The following RNF19A variants were observed in gnomAD, a reference collection of about 807,000 sequenced individuals.
The protein encoded by RNF19A is ring finger protein 19A, RBR E3 ubiquitin protein ligase.
RNF19A carries 32 observed loss-of-function variants against 75.7 expected under a neutral mutation model. The observed-to-expected ratio is 0.42, with a 90% CI of 0.32 to 0.57. The LOEUF (loss-of-function observed/expected upper bound fraction) is 0.57, where lower values mean the gene tolerates loss of function less well. Among genes scored for constraint, RNF19A ranks in the 20% least tolerant of loss-of-function variants. RNF19A has a pLI of 0.10. For synonymous variants in RNF19A, 335 were observed against 345.2 expected (o/e 0.97, Z 0.33); for missense variants, 782 against 1,036.3 (o/e 0.75, Z 3.37).
chr8:100,315,395 G>T (rs980224515), intron 1 of RNF19A, among the ~76,000 whole-genome samples: 1 of 151,036 alleles, frequency 6.6e-6, no homozygotes, highest in Non-Finnish European at 1.5e-5. Flanking sequence ...TGTTTCACTG[G>T]GGGGGAAAAA....
chr8:100,301,986 G>A (rs1385250451), intron 1 of RNF19A, among the ~76,000 whole-genome samples: 2 of 152,144 alleles, frequency 1.3e-5, no homozygotes, highest in Non-Finnish European at 2.9e-5. Context: ...CCTAAGGGAG[G>A]AATGTGTCTG....
chr8:100,297,575 C>T (rs987866607), intron 1 of RNF19A, among the ~76,000 whole-genome samples: 46 of 152,110 alleles, frequency 3.0e-4, no homozygotes, highest in Admixed American at 3.0e-3. Context: ...CTAAATCATC[C>T]CTGAAAAAAA....
rs1819644832 is a variant in RNF19A, at chr8:100,260,114, TA to T, written c.1683-118del. The T allele has an allele frequency of 3.5e-6, 3 of 859,376 alleles. No homozygotes were observed. The South Asian group carries it at 5.0e-5, about 14-fold the overall frequency. The allele number at this position is 859,376 out of a possible 1,614,324, so 53.2% of individuals were successfully genotyped here. On this transcript the variant is annotated intron_variant, in intron 8 of 9. Transcript: ENST00000341084. This position sits in a 1 kb window ranked among gnomAD's most constrained non-coding sequence, Gnocchi z 4.1. ...AACCAGAAGCTATTTTAGGAACCAT[TA>T]TTTTTTATTTCCTTTTATTTAATTT...
chr8:100,332,372 G>A lies in RNF19A; in HGVS notation c.-243+3736C>T, dbSNP rs1822623491. Among the ~76,000 whole-genome samples the A allele has an allele frequency of 6.6e-6, 1 of 152,152 alleles. No homozygotes were observed. Among genetic ancestry groups the A allele is most frequent in the South Asian group, 2.1e-4 (1 of 4,830 alleles). ...TAAGTGTCTGGCATTTCCCTTGTTT[G>A]CACTTCTTTCTCTCCTGCCGCCTTG... On this transcript the variant is annotated intron_variant, in intron 1 of 3. Coordinates refer to the RNF19A transcript ENST00000519527. This position sits in a 1 kb window ranked among gnomAD's most constrained non-coding sequence, Gnocchi z 4.8.
intron 2 of RNF19A, among the ~76,000 whole-genome samples, chr8:100,286,251 A>T (rs944930615): frequency 6.6e-6 from 1 of 152,158 alleles, no homozygotes; most frequent in African/African-American, 2.4e-5. Context: ...TACGTCCCAG[A>T]GTTTGCTTCT....
upstream of RNF19A, chr8:100,310,108 C>T (rs912958496): frequency 4.1e-6 from 4 of 985,520 alleles, no homozygotes; most frequent in Admixed American, 6.1e-5. Flanking sequence ...CCACCTCCCC[C>T]TCCCGCAGCC....
rs1820172907 is a variant in RNF19A, at chr8:100,269,880, C to T, written c.1017G>A (p.Leu339=). 1.2e-6 allele frequency: 2 copies of T among 1,604,052 alleles called. No homozygotes were observed. The highest frequency in any genetic ancestry group is 2.7e-5 in the African/African-American group (2 of 74,388). ...TTCTATAAGCTTACCTTAGATAATG[C>T]AAATCTGAGATTTCTTTCATACACA... ...CWLCMKEISD[L]HYLSPSGCTF... Residue 339 remains leucine (L), a synonymous_variant, in exon 4 of 10, where the codon TTG becomes TTA. Transcript: ENST00000341084. This position sits in a 1 kb window ranked among gnomAD's most constrained non-coding sequence, Gnocchi z 5.7.
rs267601677 is a variant in RNF19A at position 100,287,967 on chromosome 8, G to A, written c.208C>T (p.Leu70=). 4 of 1,614,160 alleles carry A rather than the reference G, an allele frequency of 2.5e-6. No individual in the cohort carries two copies. Among genetic ancestry groups the A allele is most frequent in the Non-Finnish European group, 3.4e-6 (4 of 1,180,018 alleles). The part of the protein sequence containing the change: ...PKKRRISIGS[L]FRRKKDNKRK... ...TTGTTATCTTTTTTCCTCCGAAACA[G>A]GGAGCCTATTGAAATTCTTCTTTTT... is the stretch of plus-strand genomic sequence containing the variant. The change falls in exon 2 of 10, where the codon CTG becomes TTG. Residue 70 remains leucine, a synonymous_variant. Transcript: ENST00000341084. The surrounding 1 kb of genome is among the most constrained non-coding windows in gnomAD (Gnocchi z 4.1).
At position 100,269,848 on chromosome 8, in the gene RNF19A, T is replaced by C. The variant is rs753393349; in HGVS notation, c.1028+21A>G. ...ATATAAAATTACATTTACATATAAA[T>C]AGCTCCTTCTATAAGCTTACCTTAG... is the stretch of plus-strand genomic sequence containing the variant. On this transcript the variant is annotated intron_variant, in intron 4 of 9. Transcript: ENST00000341084. This position sits in a 1 kb window ranked among gnomAD's most constrained non-coding sequence, Gnocchi z 5.7. 1 of 1,551,470 alleles carries C rather than the reference T, an allele frequency of 6.4e-7. No individual in the cohort carries two copies. The highest frequency in any genetic ancestry group is 8.7e-7 in the Non-Finnish European group (1 of 1,150,328).
Position 100,331,581 on chromosome 8 carries a change from G to A in RNF19A, c.-243+4527C>T, listed in dbSNP as rs1227956386. 6.6e-6 allele frequency among the ~76,000 whole-genome samples: 1 copy of A among 152,188 alleles called. No homozygotes were observed. The highest frequency in any genetic ancestry group is 2.4e-5 in the African/African-American group (1 of 41,430). ...GAGCCCAGGATGTCAAAGCTGCAGT[G>A]AGTCATGACTGTGCCACTGCACTCC... On this transcript the variant is annotated intron_variant, in intron 1 of 3. Coordinates refer to the RNF19A transcript ENST00000519527. This position sits in a 1 kb window ranked among gnomAD's most constrained non-coding sequence, Gnocchi z 5.2.
intron 1 of RNF19A, among the ~76,000 whole-genome samples, chr8:100,292,217 C>A (rs1210229361): frequency 2.0e-5 from 3 of 151,828 alleles, no homozygotes; most frequent in Non-Finnish European, 4.4e-5. Context: ...ATAAAAAAAA[C>A]AAATTTAACT....
At chr8:100,265,777 T>C (rs1371893067) in intron 5 of RNF19A, among the ~76,000 whole-genome samples, 1 of 152,188 alleles carries the variant, frequency 6.6e-6, no homozygotes, top group Non-Finnish European at 1.5e-5. Context: ...GTGATGCATG[T>C]ATGGGACAAG....
chr8:100,303,721 C>T (rs1252072845), intron 1 of RNF19A, among the ~76,000 whole-genome samples: 1 of 142,778 alleles, frequency 7.0e-6, no homozygotes, highest in South Asian at 2.2e-4. Context: ...TCCAGGAGTT[C>T]GAAATCAGCC....
In RNF19A at chr8:100,264,714, C is replaced by T. The variant is rs200458067; in HGVS notation, c.1263G>A (p.Thr421=). 62 of 1,613,508 alleles carry T rather than the reference C, an allele frequency of 3.8e-5. No individual in the cohort carries two copies. The highest frequency in any genetic ancestry group is 4.6e-5 in the Non-Finnish European group (54 of 1,179,626). Residue 421 remains threonine (T), a synonymous_variant, in exon 6 of 10, where the codon ACG becomes ACA. Coordinates refer to ENST00000341084, the MANE Select transcript of RNF19A (RefSeq NM_183419.4). The surrounding 1 kb of genome is among the most constrained non-coding windows in gnomAD (Gnocchi z 4.7). ...KRNLAIAGGV[T]LSVIVSPVVA... is the part of the protein sequence containing the mutation. ...CTACTGGAGACACGATTACAGACAA[C>T]GTTACACCACCTGCTATGGCCAAAT...
At position 100,331,664 on chromosome 8, in the gene RNF19A, C is replaced by T. The variant is rs147937540; in HGVS notation, c.-243+4444G>A. On this transcript the variant is annotated intron_variant, in intron 1 of 3. Coordinates refer to the RNF19A transcript ENST00000519527. This position sits in a 1 kb window ranked among gnomAD's most constrained non-coding sequence, Gnocchi z 5.2. ...AACAAAACAAAAACCAGATATACGG[C>T]GCAAAATTTGAAAGGAATAAAAGGG... Among the ~76,000 whole-genome samples, 628 of 152,062 alleles carry T rather than the reference C, an allele frequency of 4.1e-3. 2 individuals are homozygous for T. Among genetic ancestry groups the T allele is most frequent in the Non-Finnish European group, 6.8e-3 (460 of 67,982 alleles).
In RNF19A at chr8:100,259,958, A is replaced by T. The variant is rs1300757408; in HGVS notation, c.1722T>A (p.Ser574Arg). The T allele has an allele frequency of 2.5e-6, 4 of 1,613,762 alleles. No individual in the cohort carries two copies. Among genetic ancestry groups the T allele is most frequent in the African/African-American group, 1.3e-5 (1 of 74,854 alleles). ...TGACTGTGCCAGATTCTCCACTTAGACTGTACCGTTCTTTCTGTACATCTG... is the reference window on the plus strand; with the variant it reads ...TGACTGTGCCAGATTCTCCACTTAGTCTGTACCGTTCTTTCTGTACATCTG... ...VQADVQKERY[S>R]LSGESGTVSL... The change falls in exon 9 of 10, where the codon AGT becomes AGA. Residue 574 changes from serine to arginine, a missense_variant. By Grantham distance (110) the Ser-to-Arg change is moderately radical. Around this residue, in one of 7 missense-constraint regions of RNF19A, gnomAD observed 442 missense variants for 541.6 expected, o/e 0.82. Transcript: ENST00000341084. The surrounding 1 kb of genome is among the most constrained non-coding windows in gnomAD (Gnocchi z 4.5).
Position 100,269,006 on chromosome 8 carries a change from T to C in RNF19A, c.1029-59A>G. 1.0e-5 allele frequency: 14 copies of C among 1,389,462 alleles called. No homozygotes were observed. Among genetic ancestry groups the C allele is most frequent in the Non-Finnish European group, 1.4e-5 (14 of 1,023,626 alleles). The allele number at this position is 1,389,462 out of a possible 1,614,324, so 86.1% of individuals were successfully genotyped here. ...GCAAAACACCACAATAACAAATTAG[T>C]GCACTATATTAAAACAATGACTATT... On this transcript the variant is annotated intron_variant, in intron 4 of 9. Transcript: ENST00000341084. This position sits in a 1 kb window ranked among gnomAD's most constrained non-coding sequence, Gnocchi z 5.7.
intron 2 of RNF19A, among the ~76,000 whole-genome samples, chr8:100,279,746 C>T (rs28580294): frequency 0.028 from 4,220 of 152,118 alleles, 187 homozygotes; most frequent in African/African-American, 0.095. Flanking sequence ...AGGCTTGTCT[C>T]GAACTCCAGA....
In RNF19A at chr8:100,269,981, C is replaced by A; in HGVS notation, c.916G>T (p.Ala306Ser). 6.2e-7 allele frequency: 1 copy of A among 1,606,584 alleles called. No individual in the cohort carries two copies. The highest frequency in any genetic ancestry group is 1.1e-5 in the South Asian group (1 of 89,690). Residue 306 changes from alanine (A) to serine (S), a missense_variant, in exon 4 of 10, where the codon GCT (alanine) becomes TCT (serine). Around this residue, in one of 7 missense-constraint regions of RNF19A, gnomAD observed 31 missense variants for 48.8 expected, o/e 0.64. Transcript: ENST00000341084. This position sits in a 1 kb window ranked among gnomAD's most constrained non-coding sequence, Gnocchi z 5.7. ...CCATCATTCATCTTTATTATATAAG[C>A]AGCACATCGTGGACATGGCTTTATA... is the stretch of plus-strand genomic sequence containing the variant. Reference protein sequence around the residue: ...DDIKPCPRCAAYIIKMNDGSC... With the variant: ...DDIKPCPRCASYIIKMNDGSC...
Sources: allele counts gnomAD v4.1 joint callset (sites outside exome capture counted in the v4.1 genomes callset), GRCh38; gene constraint gnomAD v4.1.1; regional missense constraint gnomAD v4.1.1; non-coding constraint Gnocchi (gnomAD v3.1); transcripts MANE v1.5; gene names NCBI Gene and HGNC (gene_info 2026-07-23, HGNC 2026-07-21).